SUGCT: variants seen among roughly 807,000 people sequenced by gnomAD.
The protein encoded by SUGCT is succinyl-CoA:glutarate-CoA transferase, also known as succinyl-CoA:glutarate CoA-transferase.
Under a neutral mutation model 55.0 loss-of-function variants are expected in SUGCT, and 41 were observed. The observed-to-expected ratio is 0.74, with a 90% confidence interval of 0.58 to 0.97. The LOEUF (loss-of-function observed/expected upper bound fraction) is 0.97, where lower values mean the gene tolerates loss of function less well. SUGCT is among the 50% of genes least tolerant of loss of function. The pLI is 0.00. For synonymous variants in SUGCT, 187 were observed against 200.4 expected, an observed-to-expected ratio of 0.93 and a Z score of 0.56; for missense variants, 568 against 547.8, an observed-to-expected ratio of 1.04 and a Z score of -0.37.
chr7:40,624,465 G>A (rs1019471783), intron 12 of SUGCT, among the ~76,000 whole-genome samples: 7 of 152,120 alleles, frequency 4.6e-5, no homozygotes, highest in Admixed American at 3.3e-4. Context: ...AGATGTGTAT[G>A]CTTATATACC....
chr7:40,984,599 A>T, the SUGCT span, among the ~76,000 whole-genome samples: 1 of 152,184 alleles, frequency 6.6e-6, no homozygotes. Context: ...TCCACATCTG[A>T]GTAATGAAAG....
In SUGCT at chr7:40,788,612, T is replaced by C. The variant is rs1329497244; in HGVS notation, c.1153+39115T>C. 3.3e-5 allele frequency among the ~76,000 whole-genome samples: 5 copies of C among 152,372 alleles called. No homozygotes were observed. In the South Asian group the frequency reaches 1.0e-3, roughly 32 times the overall value. ...TGTTGAGCCTATAAAGTTACTGTTC[T>C]CTTCAGATGGATCTCTGTGTGGGTT... On this transcript the variant is annotated intron_variant, in intron 13 of 13. Transcript: ENST00000335693.
At chr7:40,278,717 C>G (rs1252603689) in intron 8 of SUGCT, among the ~76,000 whole-genome samples, 1 of 152,040 alleles carries the variant, frequency 6.6e-6, no homozygotes, top group African/African-American at 2.4e-5. Context: ...TCTTTACTTT[C>G]CTGTTTTCCT....
chr7:40,523,725 A>G (rs777086228), intron 12 of SUGCT, among the ~76,000 whole-genome samples: 2 of 152,062 alleles, frequency 1.3e-5, no homozygotes, highest in Non-Finnish European at 2.9e-5. Context: ...TGAGAATCCT[A>G]GTAAAGGAGA....
chr7:40,595,601 T>C lies in SUGCT; in HGVS notation c.1089+99215T>C, dbSNP rs185509254. ...GTTGTGTATCTCAATGGCTACTAAA[T>C]ACACCTCTCTCCTTTCTTTTTTCTT... is the stretch of plus-strand genomic sequence containing the variant. On this transcript the variant is annotated intron_variant, in intron 12 of 13. Coordinates refer to ENST00000335693, the MANE Select transcript of SUGCT (RefSeq NM_001193313.2). Among the ~76,000 whole-genome samples, 6 of 151,724 alleles carry C rather than the reference T, an allele frequency of 4.0e-5. No homozygotes were observed. The East Asian group carries it at 1.2e-3, about 29-fold the overall frequency.
chr7:40,665,986 A>G (rs1034000779), intron 12 of SUGCT, among the ~76,000 whole-genome samples: 1 of 152,082 alleles, frequency 6.6e-6, no homozygotes, highest in Non-Finnish European at 1.5e-5. Context: ...TGTATAGGGT[A>G]GAGAGAATAG....
the SUGCT span, among the ~76,000 whole-genome samples, chr7:40,886,635 A>G: frequency 1.7e-3 from 259 of 152,316 alleles, 2 homozygotes; most frequent in African/African-American, 5.9e-3. Context: ...CTTGACTAAT[A>G]CACTAAGAAG....
At chr7:40,468,592 G>T (rs972449932) in intron 11 of SUGCT, among the ~76,000 whole-genome samples, 1 of 152,176 alleles carries the variant, frequency 6.6e-6, no homozygotes, top group Non-Finnish European at 1.5e-5. Context: ...AGAGAACAGG[G>T]AGGATTTTTA....
the SUGCT span, among the ~76,000 whole-genome samples, chr7:40,928,638 C>T: frequency 6.7e-6 from 1 of 149,272 alleles, no homozygotes; most frequent in Admixed American, 6.7e-5. Context: ...CTTGCTCCAT[C>T]TCCCAGGCTG....
At chr7:41,009,486 A>G in the SUGCT span, among the ~76,000 whole-genome samples, 1 of 152,126 alleles carries the variant, frequency 6.6e-6, no homozygotes, top group South Asian at 2.1e-4. Flanking sequence ...AACTGGGTCC[A>G]TCTATGTATC....
chr7:40,985,619 G>T, the SUGCT span, among the ~76,000 whole-genome samples: 1 of 152,142 alleles, frequency 6.6e-6, no homozygotes, highest in African/African-American at 2.4e-5. Context: ...GACATATGAA[G>T]TTCAGGACAA....
intron 9 of SUGCT, among the ~76,000 whole-genome samples, chr7:40,380,366 C>G (rs1311527792): frequency 6.6e-6 from 1 of 152,112 alleles, no homozygotes; most frequent in Non-Finnish European, 1.5e-5. Flanking sequence ...TTCCATAGTT[C>G]TGAAAAAGTT....
At chr7:40,370,301 C>G (rs191071351) in intron 9 of SUGCT, among the ~76,000 whole-genome samples, 37 of 152,188 alleles carry the variant, frequency 2.4e-4, no homozygotes, top group Admixed American at 2.3e-3. Flanking sequence ...AGGGAAGGAT[C>G]AGTTTTGAGG....
At chr7:40,991,639 G>A in the SUGCT span, among the ~76,000 whole-genome samples, 6 of 152,130 alleles carry the variant, frequency 3.9e-5, no homozygotes, top group East Asian at 1.9e-4. Context: ...GAGGCAGGCC[G>A]GAGGGAATTT....
chr7:40,811,526 G>A (rs1791414809), intron 13 of SUGCT, among the ~76,000 whole-genome samples: 1 of 151,850 alleles, frequency 6.6e-6, no homozygotes, highest in Non-Finnish European at 1.5e-5. Flanking sequence ...TGTGTGTGGT[G>A]GTTTTTGTAA....
At chr7:40,954,014 T>TGCTGCCTTTTGTTCA in the SUGCT span, among the ~76,000 whole-genome samples, 1 of 152,268 alleles carries the variant, frequency 6.6e-6, no homozygotes, top group Non-Finnish European at 1.5e-5. Context: ...CAGAGGTTTC[T>TGCTGCCTTTTGTTCA]GCTGCCTTTT....
chr7:40,537,587 TG>T (rs1794437644), intron 12 of SUGCT, among the ~76,000 whole-genome samples: 1 of 152,244 alleles, frequency 6.6e-6, no homozygotes, highest in Admixed American at 6.5e-5. Context: ...AGAAAATTTT[TG>T]TGTTGTATAA....
chr7:40,221,779 C>G (rs1365325008), intron 6 of SUGCT, among the ~76,000 whole-genome samples: 2 of 152,104 alleles, frequency 1.3e-5, no homozygotes, highest in African/African-American at 2.4e-5. Flanking sequence ...GCCTGAACCA[C>G]TGCATTTGAC....
the SUGCT span, among the ~76,000 whole-genome samples, chr7:40,924,268 G>GTA: frequency 6.7e-6 from 1 of 149,028 alleles, no homozygotes; most frequent in East Asian, 2.0e-4. Flanking sequence ...TCAATTACGT[G>GTA]TGTGTGTGTG....
Sources: allele counts gnomAD v4.1 joint callset (sites outside exome capture counted in the v4.1 genomes callset), GRCh38; gene constraint gnomAD v4.1.1; transcripts MANE v1.5; gene names NCBI Gene and HGNC (gene_info 2026-07-23, HGNC 2026-07-21).